The following KCNIP4 variants were observed in gnomAD, a reference collection of about 807,000 sequenced individuals.
KCNIP4 encodes the protein potassium voltage-gated channel interacting protein 4, also known as Kv channel-interacting protein 4.
A neutral mutation model predicts 34.0 loss-of-function variants in KCNIP4; 12 were observed. That is an observed-to-expected ratio of 0.35 (90% confidence interval 0.23 to 0.57). The LOEUF (loss-of-function observed/expected upper bound fraction) is 0.57, where lower values mean the gene tolerates loss of function less well. Ranked by LOEUF, KCNIP4 falls within the 20% of genes least tolerant of loss-of-function variation. The pLI, the probability that KCNIP4 is intolerant of heterozygous loss-of-function variation, is 0.83. For synonymous variants in KCNIP4, 124 were observed against 102.2 expected (o/e 1.21, Z -1.29); for missense variants, 238 against 311.7 (o/e 0.76, Z 1.78).
At chr4:21,857,969 A>T (rs2109346079) in intron 1 of KCNIP4, among the ~76,000 whole-genome samples, 1 of 152,310 alleles carries the variant, frequency 6.6e-6, no homozygotes, top group South Asian at 2.1e-4. Flanking sequence ...CAGCTGTGGA[A>T]GCTGCTTGCT....
intron 1 of KCNIP4, among the ~76,000 whole-genome samples, chr4:20,890,259 AC>A (rs749349515): frequency 6.6e-6 from 1 of 152,226 alleles, no homozygotes; most frequent in Admixed American, 6.5e-5. Context: ...AAAATAATCA[AC>A]AAAAATAAAT....
rs369098531 is a variant in KCNIP4 at position 21,168,446 on chromosome 4, A to G, written c.62-285737T>C. 3.9e-5 allele frequency among the ~76,000 whole-genome samples: 6 copies of G among 152,186 alleles called. No individual in the cohort carries two copies. The East Asian group carries it at 1.2e-3, about 29-fold the overall frequency. On this transcript the variant is annotated intron_variant, in intron 1 of 8. Coordinates refer to ENST00000382152, the MANE Select transcript of KCNIP4 (RefSeq NM_025221.6). ...AAAAAGAAGTATCCATACCTGGAAA[A>G]GTTTCTGTTAGGCACAGGTATGCAG...
intron 1 of KCNIP4, among the ~76,000 whole-genome samples, chr4:21,612,063 A>G (rs1384488199): frequency 1.3e-5 from 2 of 152,240 alleles, no homozygotes; most frequent in African/African-American, 2.4e-5. Context: ...ACAATGCCTC[A>G]AAGTGTGGGA....
At chr4:21,347,718 G>T (rs986607224) in intron 1 of KCNIP4, among the ~76,000 whole-genome samples, 6 of 152,154 alleles carry the variant, frequency 3.9e-5, no homozygotes, top group East Asian at 1.9e-4. Context: ...ATTTTTATCA[G>T]CAGCAGCATC....
At chr4:21,469,779 CA>C (rs1352703197) in intron 1 of KCNIP4, among the ~76,000 whole-genome samples, 1 of 151,988 alleles carries the variant, frequency 6.6e-6, no homozygotes, top group African/African-American at 2.4e-5. Context: ...CACGTCTGCT[CA>C]AAGTGTACAT....
chr4:20,867,382 C>T (rs1018258769), intron 2 of KCNIP4, among the ~76,000 whole-genome samples: 6 of 151,996 alleles, frequency 3.9e-5, no homozygotes, highest in African/African-American at 1.2e-4. Context: ...ACGCCTACCA[C>T]CGTCTGATCT....
intron 1 of KCNIP4, among the ~76,000 whole-genome samples, chr4:21,771,703 T>A (rs945759089): frequency 6.6e-6 from 1 of 152,108 alleles, no homozygotes; most frequent in Non-Finnish European, 1.5e-5. Context: ...TGAATGGGAG[T>A]TCATTCATGA....
intron 1 of KCNIP4, chr4:21,845,983 T>G (rs1398833): frequency 0.38 from 57,391 of 151,790 alleles, 12,464 homozygotes; most frequent in Non-Finnish European, 0.51. Context: ...TGTTTTTTTG[T>G]CTGTTTTGTT....
intron 1 of KCNIP4, among the ~76,000 whole-genome samples, chr4:21,915,191 C>G (rs191762287): frequency 1.3e-5 from 2 of 152,246 alleles, no homozygotes; most frequent in East Asian, 3.9e-4. Flanking sequence ...AACACATAAA[C>G]AAATGGACAT....
chr4:21,768,754 A>G (rs1718586797), intron 1 of KCNIP4, among the ~76,000 whole-genome samples: 1 of 152,134 alleles, frequency 6.6e-6, no homozygotes, highest in African/African-American at 2.4e-5. Context: ...AAACACAAAT[A>G]AGGAATTAAT....
At chr4:21,343,836 C>CA (rs1717017021) in intron 1 of KCNIP4, among the ~76,000 whole-genome samples, 1 of 152,078 alleles carries the variant, frequency 6.6e-6, no homozygotes, top group Non-Finnish European at 1.5e-5. Flanking sequence ...TCCTATGTGC[C>CA]AGTTATAGTT....
At chr4:21,877,102 C>T (rs867391298) in intron 1 of KCNIP4, among the ~76,000 whole-genome samples, 1 of 152,058 alleles carries the variant, frequency 6.6e-6, no homozygotes, top group Non-Finnish European at 1.5e-5. Flanking sequence ...AACTGTAATC[C>T]CAGCACTTTG....
intron 1 of KCNIP4, among the ~76,000 whole-genome samples, chr4:21,584,364 CTAAAT>C (rs1741458399): frequency 1.3e-5 from 2 of 152,024 alleles, no homozygotes; most frequent in African/African-American, 4.8e-5. Flanking sequence ...ATTTCTCAAC[CTAAAT>C]TATAGTACAA....
intron 1 of KCNIP4, among the ~76,000 whole-genome samples, chr4:21,773,751 T>TTTTTTTG (rs1718978215): frequency 3.6e-5 from 4 of 110,414 alleles, no homozygotes; most frequent in African/African-American, 1.7e-4. Context: ...TGTTGTTTTT[T>TTTTTTTG]TTTTTTTGTT....
chr4:20,772,934 C>CT (rs1292355155), intron 3 of KCNIP4, among the ~76,000 whole-genome samples: 1 of 150,414 alleles, frequency 6.6e-6, no homozygotes, highest in Non-Finnish European at 1.5e-5. Flanking sequence ...ACACCCGGCC[C>CT]CTTTCCCTTT....
At chr4:21,734,754 T>A (rs1012549244) in intron 1 of KCNIP4, among the ~76,000 whole-genome samples, 1 of 152,120 alleles carries the variant, frequency 6.6e-6, no homozygotes, top group Non-Finnish European at 1.5e-5. Flanking sequence ...TTTCAAAAGC[T>A]ACAATCCAGG....
At chr4:20,932,787 A>C (rs1311540965) in intron 1 of KCNIP4, among the ~76,000 whole-genome samples, 1 of 152,188 alleles carries the variant, frequency 6.6e-6, no homozygotes, top group Non-Finnish European at 1.5e-5. Flanking sequence ...ATTTTGCTAT[A>C]ATATACATTA....
intron 1 of KCNIP4, among the ~76,000 whole-genome samples, chr4:21,303,281 G>A (rs183339026): frequency 3.3e-5 from 5 of 152,260 alleles, no homozygotes; most frequent in East Asian, 3.9e-4. Flanking sequence ...ATCTCTGTTA[G>A]CATGTAAAAT....
At chr4:21,665,805 G>A (rs1024307288) in intron 1 of KCNIP4, among the ~76,000 whole-genome samples, 1 of 152,168 alleles carries the variant, frequency 6.6e-6, no homozygotes, top group Non-Finnish European at 1.5e-5. Context: ...CTGTTATCCA[G>A]GTCTTTATTT....
Sources: allele counts gnomAD v4.1 joint callset (sites outside exome capture counted in the v4.1 genomes callset), GRCh38; gene constraint gnomAD v4.1.1; transcripts MANE v1.5; gene names NCBI Gene and HGNC (gene_info 2026-07-23, HGNC 2026-07-21).